The following KHDC3L variants were observed in gnomAD, a reference collection of about 807,000 sequenced individuals.
KHDC3L encodes the protein KH domain containing 3 like, subcortical maternal complex member.
KHDC3L carries 6 observed loss-of-function variants against 11.4 expected under a neutral mutation model. The ratio of observed to expected loss-of-function variants is 0.52; its 90% CI spans 0.29 to 1.03. KHDC3L has a LOEUF of 1.03. Ranked by LOEUF, KHDC3L falls within the 50% of genes least tolerant of loss-of-function variation. The probability of loss-of-function intolerance (pLI) is 0.09; values close to 1 mark genes in which losing one functional copy is unlikely to be tolerated. For missense variants in KHDC3L, 293 were observed against 290.4 expected (o/e 1.01, Z -0.07); for synonymous variants, 127 against 120.9 (o/e 1.05, Z -0.33).
At position 73,362,891 on chromosome 6, in the gene KHDC3L, G is replaced by A. The variant is rs143024400; in HGVS notation, c.162G>A (p.Lys54=). Residue 54 remains lysine (K), a synonymous_variant, in exon 1 of 3, where the codon AAG becomes AAA. Coordinates refer to ENST00000370367, the MANE Select transcript of KHDC3L (RefSeq NM_001017361.3). ...GCCTTGAGGTTTGGCTGGTGGAAAA[G>A]ATCTTCGGTGAGTGGACCAAGAAGG... The part of the protein sequence containing the change: ...VVRLEVWLVE[K]IFGRGGERIP... 6.2e-7 allele frequency: 1 copy of A among 1,614,184 alleles called. No homozygotes were observed. The highest frequency in any genetic ancestry group is 8.5e-7 in the Non-Finnish European group (1 of 1,180,030).
intron 2 of KHDC3L, 112 bp downstream of exon 2, chr6:73,363,386 T>G: frequency 7.0e-7 from 1 of 1,433,954 alleles, no homozygotes. Flanking sequence ...GGCCTGCGGT[T>G]GGTGGGTGGG....
In KHDC3L at chr6:73,363,766, A is replaced by C. The variant is rs764295033; in HGVS notation, c.560A>C (p.Asn187Thr). 6.2e-7 allele frequency: 1 copy of C among 1,613,392 alleles called. No individual in the cohort carries two copies. The highest frequency in any genetic ancestry group is 8.5e-7 in the Non-Finnish European group (1 of 1,179,906). ...ACCCAGCAGTCTCTCCAGGCTGCCA[A>C]CAAGTCGGGGACCCAGCGATCCCCC... Reference protein sequence around the residue: ...AGTQQSLQAANKSGTQRSPEA... With the variant: ...AGTQQSLQAATKSGTQRSPEA... The change falls in exon 3 of 3, where the codon AAC (asparagine) becomes ACC (threonine). Residue 187 changes from asparagine to threonine, a missense_variant. Asn to Thr is a moderately conservative substitution (Grantham distance 65, BLOSUM62 0). Coordinates refer to ENST00000370367, the MANE Select transcript of KHDC3L (RefSeq NM_001017361.3).
At chr6:73,363,062 C>T (rs376214417) in intron 1 of KHDC3L, 33 bp from the exon 2 acceptor site, 5 of 1,612,880 alleles carry the variant, frequency 3.1e-6, no homozygotes, top group South Asian at 1.1e-5. Context: ...CGGGAGCCAC[C>T]GGTCCCTCAC....
At position 73,362,807 on chromosome 6, in the gene KHDC3L, C is replaced by G; in HGVS notation, c.78C>G (p.His26Gln). ...PKAMPVEVLG[H>Q]LPKRFSWFHS... Reference sequence around the variant, plus strand: ...CAATGCCAGTGGAGGTGCTCGGTCACCTCCCTAAGCGGTTCTCCTGGTTCC... The same window carrying G: ...CAATGCCAGTGGAGGTGCTCGGTCAGCTCCCTAAGCGGTTCTCCTGGTTCC... Residue 26 changes from histidine to glutamine, a missense_variant, in exon 1 of 3, where the codon CAC becomes CAG. Coordinates refer to ENST00000370367, the MANE Select transcript of KHDC3L (RefSeq NM_001017361.3). 6.2e-7 allele frequency: 1 copy of G among 1,614,224 alleles called. No individual in the cohort carries two copies. The highest frequency in any genetic ancestry group is 1.1e-5 in the South Asian group (1 of 91,086).
At position 73,363,099 on chromosome 6, in the gene KHDC3L, G is replaced by C; in HGVS notation, c.174G>C (p.Arg58=). The C allele has an allele frequency of 1.2e-6, 2 of 1,613,956 alleles. No individual in the cohort carries two copies. The highest frequency in any genetic ancestry group is 1.7e-6 in the Non-Finnish European group (2 of 1,180,018). ...GCCTCTCTGCTACCCGCGCAGGCCG[G>C]GGCGGAGAACGCATCCCGCACGTCC... is the stretch of plus-strand genomic sequence containing the variant. The part of the protein sequence containing the change: ...EVWLVEKIFG[R]GGERIPHVQG... Residue 58 remains arginine, a synonymous_variant, in exon 2 of 3, where the codon CGG becomes CGC. Transcript: ENST00000370367.
rs61746689 is a variant in KHDC3L at position 73,363,746 on chromosome 6, G to T, written c.540G>T (p.Gln180His). 4 of 1,613,846 alleles carry T rather than the reference G, an allele frequency of 2.5e-6. No homozygotes were observed. Among genetic ancestry groups the T allele is most frequent in the Non-Finnish European group, 3.4e-6 (4 of 1,179,988 alleles). ...TGGAGGTGCAGGAGGCCGGGACCCAGCAGTCTCTCCAGGCTGCCAACAAGT... is the reference window on the plus strand; with the variant it reads ...TGGAGGTGCAGGAGGCCGGGACCCATCAGTCTCTCCAGGCTGCCAACAAGT... ...SPVEVQEAGT[Q>H]QSLQAANKSG... is the part of the protein sequence containing the mutation. The change falls in exon 3 of 3, where the codon CAG becomes CAT. Residue 180 changes from glutamine (Q) to histidine (H), a missense_variant. Coordinates refer to ENST00000370367, the MANE Select transcript of KHDC3L (RefSeq NM_001017361.3).
In KHDC3L at chr6:73,363,705, A is replaced by C; in HGVS notation, c.499A>C (p.Thr167Pro). 1 of 1,612,614 alleles carries C rather than the reference A, an allele frequency of 6.2e-7. No individual in the cohort carries two copies. Among genetic ancestry groups the C allele is most frequent in the Non-Finnish European group, 8.5e-7 (1 of 1,179,808 alleles). Reference protein sequence around the residue: ...QRSVEVQEVGTQGSPVEVQEA... With the variant: ...QRSVEVQEVGPQGSPVEVQEA... Reference sequence around the variant, plus strand: ...TTCGGTGGAAGTCCAGGAGGTCGGGACACAGGGTTCTCCGGTGGAGGTGCA... The same window carrying C: ...TTCGGTGGAAGTCCAGGAGGTCGGGCCACAGGGTTCTCCGGTGGAGGTGCA... Residue 167 changes from threonine to proline, a missense_variant, in exon 3 of 3, where the codon ACA (threonine) becomes CCA (proline). Coordinates refer to ENST00000370367, the MANE Select transcript of KHDC3L (RefSeq NM_001017361.3).
At chr6:73,362,921 G>A (rs778300226) in intron 1 of KHDC3L, 23 bp downstream of exon 1, 2 of 1,613,828 alleles carry the variant, frequency 1.2e-6, no homozygotes, top group African/African-American at 2.7e-5. Flanking sequence ...AGAAGGGGCA[G>A]CCCCCATGCG....
In KHDC3L at chr6:73,362,685, T is replaced by C. The variant is rs368756507; in HGVS notation, c.-45T>C. 1.2e-5 allele frequency: 19 copies of C among 1,608,204 alleles called. No individual in the cohort carries two copies. Among genetic ancestry groups the C allele is most frequent in the African/African-American group, 9.3e-5 (7 of 74,914 alleles). ...AGTCTCCCAGCTCCAGCTCGGCCTT[T>C]GGGTTTGCTGTGGTGTCCTTGTCTC... On this transcript the variant is annotated 5_prime_UTR_variant, in exon 1 of 3. Coordinates refer to ENST00000370367, the MANE Select transcript of KHDC3L (RefSeq NM_001017361.3).
rs531383488 is a variant in KHDC3L, at chr6:73,363,609, C to T, written c.403C>T (p.Arg135Trp). 4 of 1,613,194 alleles carry T rather than the reference C, an allele frequency of 2.5e-6. No individual in the cohort carries two copies. The highest frequency in any genetic ancestry group is 2.2e-5 in the South Asian group (2 of 91,054). ...CGCCACTCAGAAGGCCGAGACCCAGCGGTCTTCAATAGAAGTCCGGGAGGC... is the reference window on the plus strand; with the variant it reads ...CGCCACTCAGAAGGCCGAGACCCAGTGGTCTTCAATAGAAGTCCGGGAGGC... Reference protein sequence around the residue: ...DVATQKAETQRSSIEVREAGT... With the variant: ...DVATQKAETQWSSIEVREAGT... The change falls in exon 3 of 3, where the codon CGG becomes TGG. Residue 135 changes from arginine (R) to tryptophan (W), a missense_variant. Physicochemically the swap from Arg to Trp is moderately radical, Grantham distance 101. Coordinates refer to ENST00000370367, the MANE Select transcript of KHDC3L (RefSeq NM_001017361.3).
At position 73,364,146 on chromosome 6, in the gene KHDC3L, G is replaced by A. The variant is rs1323068498; in HGVS notation, c.*286G>A. 2 of 515,624 alleles carry A rather than the reference G, an allele frequency of 3.9e-6. No individual in the cohort carries two copies. Among genetic ancestry groups the A allele is most frequent in the Non-Finnish European group, 7.0e-6 (2 of 285,456 alleles). The allele number at this position is 515,624 out of a possible 1,614,324, so 31.9% of individuals were successfully genotyped here. ...GTTGAATGGTTGCCAACACAAACTT[G>A]AGTTCTAATAAATAATTGCATTTCC... On this transcript the variant is annotated 3_prime_UTR_variant, in exon 3 of 3. Coordinates refer to ENST00000370367, the MANE Select transcript of KHDC3L (RefSeq NM_001017361.3).
chr6:73,363,560 A>G lies in KHDC3L; in HGVS notation c.354A>G (p.Ser118=). 6.2e-7 allele frequency: 1 copy of G among 1,608,252 alleles called. No individual in the cohort carries two copies. The change falls in exon 3 of 3, where the codon TCA becomes TCG. Residue 118 remains serine (S), a synonymous_variant. Coordinates refer to ENST00000370367, the MANE Select transcript of KHDC3L (RefSeq NM_001017361.3). ...DYHRQLQAKG[S]GKALAQDVAT... is the part of the protein sequence containing the mutation. ...TGCACACTGCTCTTCTTCCAGGCTCAGGAAAGGCCCTCGCCCAGGATGTCG... is the reference window on the plus strand; with the variant it reads ...TGCACACTGCTCTTCTTCCAGGCTCGGGAAAGGCCCTCGCCCAGGATGTCG...
At position 73,363,086 on chromosome 6, in the gene KHDC3L, C is replaced by T; in HGVS notation, c.170-9C>T. ...CCGGTCCCTCACAGCCTCTCTGCTACCCGCGCAGGCCGGGGCGGAGAACGC... is the reference window on the plus strand; with the variant it reads ...CCGGTCCCTCACAGCCTCTCTGCTATCCGCGCAGGCCGGGGCGGAGAACGC... On this transcript the variant is annotated splice_polypyrimidine_tract_variant and intron_variant, in intron 1 of 2. Transcript: ENST00000370367. The T allele has an allele frequency of 6.2e-7, 1 of 1,613,866 alleles. No individual in the cohort carries two copies. The highest frequency in any genetic ancestry group is 2.2e-5 in the East Asian group (1 of 44,878).
Position 73,362,810 on chromosome 6 carries a change from C to G in KHDC3L, c.81C>G (p.Leu27=), listed in dbSNP as rs759991776. 6 of 1,614,058 alleles carry G rather than the reference C, an allele frequency of 3.7e-6. No homozygotes were observed. The highest frequency in any genetic ancestry group is 1.6e-4 in the Middle Eastern group (1 of 6,084). Residue 27 remains leucine (L), a synonymous_variant, in exon 1 of 3, where the codon CTC becomes CTG. Coordinates refer to ENST00000370367, the MANE Select transcript of KHDC3L (RefSeq NM_001017361.3). ...KAMPVEVLGH[L]PKRFSWFHSE... ...TGCCAGTGGAGGTGCTCGGTCACCT[C>G]CCTAAGCGGTTCTCCTGGTTCCACT...
intron 2 of KHDC3L, 42 bp downstream of exon 2, chr6:73,363,316 TC>T (rs766584413): frequency 6.2e-7 from 1 of 1,605,866 alleles, no homozygotes; most frequent in African/African-American, 1.3e-5. Flanking sequence ...AAACCCTGGC[TC>T]CGTAGGAGTG....
chr6:73,364,048 C>A lies in KHDC3L; in HGVS notation c.*188C>A. The A allele has an allele frequency of 1.5e-6, 1 of 658,638 alleles. No individual in the cohort carries two copies. Among genetic ancestry groups the A allele is most frequent in the Admixed American group, 2.4e-5 (1 of 42,008 alleles). The allele number at this position is 658,638 out of a possible 1,614,324, so 40.8% of individuals were successfully genotyped here. On this transcript the variant is annotated 3_prime_UTR_variant, in exon 3 of 3. Transcript: ENST00000370367. Reference sequence around the variant, plus strand: ...TGGAAGCCCGCCCCCCGCCTCCCCCCCGCCTCACTTAAGTCCAGGAAGCTG... The same window carrying A: ...TGGAAGCCCGCCCCCCGCCTCCCCCACGCCTCACTTAAGTCCAGGAAGCTG...
chr6:73,364,062 TC>T lies in KHDC3L; in HGVS notation c.*204del. On this transcript the variant is annotated 3_prime_UTR_variant, in exon 3 of 3. Coordinates refer to ENST00000370367, the MANE Select transcript of KHDC3L (RefSeq NM_001017361.3). ...CCGCCTCCCCCCCGCCTCACTTAAG[TC>T]CAGGAAGCTGGGGTGGCGAGGAAGG... The T allele has an allele frequency of 1.6e-6, 1 of 631,776 alleles. No homozygotes were observed. The highest frequency in any genetic ancestry group is 2.8e-6 in the Non-Finnish European group (1 of 358,076). 39.1% of individuals were successfully genotyped at this position (631,776 alleles called of 1,614,324 possible).
rs1768910655 is a variant in KHDC3L at position 73,363,680 on chromosome 6, T to C, written c.474T>C (p.Arg158=). The change falls in exon 3 of 3, where the codon CGT becomes CGC. Residue 158 remains arginine (R), a synonymous_variant. Transcript: ENST00000370367. The stretch of plus-strand genomic sequence containing the variant: ...AGGTCCGGGAGGCCGGGACCCAGCG[T>C]TCGGTGGAAGTCCAGGAGGTCGGGA... The part of the protein sequence containing the change: ...SVEVREAGTQ[R]SVEVQEVGTQ... 15 of 1,611,922 alleles carry C rather than the reference T, an allele frequency of 9.3e-6. No homozygotes were observed. The highest frequency in any genetic ancestry group is 1.3e-5 in the Non-Finnish European group (15 of 1,179,506).
chr6:73,363,057 G>A (rs577251355), intron 1 of KHDC3L, 38 bp from the exon 2 acceptor site: 3 of 1,612,572 alleles, frequency 1.9e-6, no homozygotes, highest in African/African-American at 1.3e-5. Flanking sequence ...ACCCCCGGGA[G>A]CCACCGGTCC....
Sources: allele counts gnomAD v4.1 joint callset, GRCh38; gene constraint gnomAD v4.1.1; transcripts MANE v1.5; gene names NCBI Gene and HGNC (gene_info 2026-07-23, HGNC 2026-07-21).